The following LYN variants were observed in gnomAD, a reference collection of about 807,000 sequenced individuals.
LYN encodes LYN proto-oncogene, Src family tyrosine kinase.
In LYN, 12 loss-of-function variants were observed where a neutral mutation model predicts 65.0. The ratio of observed to expected loss-of-function variants is 0.18; its 90% CI spans 0.12 to 0.30. LYN has a LOEUF of 0.30. Ranked by LOEUF, LYN falls within the 10% of genes least tolerant of loss-of-function variation. LYN has a pLI of 1.00. For synonymous variants in LYN, 222 were observed against 221.2 expected (o/e 1.00, Z -0.03); for missense variants, 380 against 623.2 (o/e 0.61, Z 4.16).
intron 10 of LYN, among the ~76,000 whole-genome samples, chr8:55,987,122 A>G (rs1808093210): frequency 1.3e-5 from 2 of 152,178 alleles, no homozygotes; most frequent in Non-Finnish European, 2.9e-5. Context: ...AATAAAAAGA[A>G]TCTTTTCTTG....
At chr8:55,890,507 A>G (rs1403603862) in intron 1 of LYN, among the ~76,000 whole-genome samples, 2 of 152,208 alleles carry the variant, frequency 1.3e-5, no homozygotes, top group African/African-American at 2.4e-5. Flanking sequence ...TACAGCTATG[A>G]TGGAAAATCA....
chr8:55,899,165 C>T (rs948340597), intron 1 of LYN, among the ~76,000 whole-genome samples: 1 of 152,122 alleles, frequency 6.6e-6, no homozygotes, highest in Non-Finnish European at 1.5e-5. Flanking sequence ...TTACCTTTCA[C>T]AGAAAATATA....
intron 8 of LYN, among the ~76,000 whole-genome samples, chr8:55,956,115 A>G (rs1320541995): frequency 1.4e-5 from 2 of 147,576 alleles, no homozygotes; most frequent in African/African-American, 5.0e-5. Context: ...GCTCATTAAA[A>G]AAAGAATGAC....
chr8:55,916,563 G>A (rs1163655674), intron 1 of LYN, among the ~76,000 whole-genome samples: 1 of 152,182 alleles, frequency 6.6e-6, no homozygotes, highest in Non-Finnish European at 1.5e-5. Context: ...GTTTTAGATG[G>A]CCAGCCTGTG....
At chr8:55,951,854 A>T (rs1806960000) in intron 6 of LYN, 112 bp from the exon 7 acceptor site, 2 of 807,678 alleles carry the variant, frequency 2.5e-6, no homozygotes, top group Non-Finnish European at 1.9e-6. Flanking sequence ...TACAAATTTC[A>T]TAAATATATG....
chr8:55,949,930 C>A (rs1010352666), intron 4 of LYN, among the ~76,000 whole-genome samples: 1 of 152,202 alleles, frequency 6.6e-6, no homozygotes, highest in Non-Finnish European at 1.5e-5. Flanking sequence ...CCTCAACTCT[C>A]CCATTCTCTG....
intron 1 of LYN, among the ~76,000 whole-genome samples, chr8:55,918,134 C>G (rs117107513): frequency 4.6e-5 from 7 of 152,234 alleles, no homozygotes; most frequent in African/African-American, 1.4e-4. Context: ...GATGCTGGCT[C>G]GACTCAGACA....
intron 1 of LYN, among the ~76,000 whole-genome samples, chr8:55,882,093 T>A (rs1804667050): frequency 6.6e-6 from 1 of 152,158 alleles, no homozygotes; most frequent in African/African-American, 2.4e-5. Flanking sequence ...TACCCACATT[T>A]AGTGTGGGTA....
intron 1 of LYN, among the ~76,000 whole-genome samples, chr8:55,939,984 A>T (rs1050925986): frequency 3.9e-5 from 6 of 152,164 alleles, no homozygotes; most frequent in African/African-American, 1.4e-4. Flanking sequence ...GAGGCTTCAT[A>T]CCTCAAGTAA....
chr8:55,881,826 A>G (rs1012964332), intron 1 of LYN, among the ~76,000 whole-genome samples: 1 of 152,214 alleles, frequency 6.6e-6, no homozygotes, highest in Non-Finnish European at 1.5e-5. Flanking sequence ...TGGAAGCTCC[A>G]TGAAAACTGC....
At chr8:55,949,495 C>T (rs1232306019) in intron 4 of LYN, among the ~76,000 whole-genome samples, 3 of 152,236 alleles carry the variant, frequency 2.0e-5, no homozygotes, top group African/African-American at 7.2e-5. Context: ...CCATCCTAAA[C>T]AAACATCTTG....
At chr8:56,008,436 C>G (rs973751649) in intron 12 of LYN, among the ~76,000 whole-genome samples, 1 of 152,194 alleles carries the variant, frequency 6.6e-6, no homozygotes, top group African/African-American at 2.4e-5. Context: ...ATTGTATATA[C>G]TTTGCATGAC....
In LYN at chr8:56,012,253, G is replaced by A. The variant is rs1043990657; in HGVS notation, c.*2143G>A. On this transcript the variant is annotated 3_prime_UTR_variant, in exon 13 of 13. Coordinates refer to ENST00000519728, the MANE Select transcript of LYN (RefSeq NM_002350.4). Reference sequence around the variant, plus strand: ...CCTCCCTGTGACAGACAGGCATAATGAGGGGCTGAATAGGTGTTTGTAGCA... The same window carrying A: ...CCTCCCTGTGACAGACAGGCATAATAAGGGGCTGAATAGGTGTTTGTAGCA... The A allele has an allele frequency of 5.5e-6, 1 of 180,714 alleles. No homozygotes were observed. The highest frequency in any genetic ancestry group is 1.2e-5 in the Non-Finnish European group (1 of 84,576). The allele number at this position is 180,714 out of a possible 1,614,324, so 11.2% of individuals were successfully genotyped here.
At chr8:55,926,645 C>T (rs189754427) in intron 1 of LYN, among the ~76,000 whole-genome samples, 2 of 152,268 alleles carry the variant, frequency 1.3e-5, no homozygotes, top group East Asian at 3.8e-4. Context: ...CAGGTAACGG[C>T]CTGCCCTTGA....
intron 10 of LYN, among the ~76,000 whole-genome samples, chr8:55,983,982 A>T (rs2667980): frequency 0.15 from 22,230 of 152,086 alleles, 2,190 homozygotes; most frequent in Middle Eastern, 0.23. Flanking sequence ...CTTGGGAAGA[A>T]TCCTTCCGTA....
intron 1 of LYN, among the ~76,000 whole-genome samples, chr8:55,880,670 G>C (rs1585555481): frequency 6.6e-6 from 1 of 152,248 alleles, no homozygotes; most frequent in South Asian, 2.1e-4. Flanking sequence ...GCGTGACGTC[G>C]AGGGGCTGCA....
In LYN at chr8:55,952,641, C is replaced by T. The variant is rs191720067; in HGVS notation, c.637+526C>T. On this transcript the variant is annotated intron_variant, in intron 7 of 12. Coordinates refer to ENST00000519728, the MANE Select transcript of LYN (RefSeq NM_002350.4). The stretch of plus-strand genomic sequence containing the variant: ...TAAGATTTGATCCTTGTGAATAATT[C>T]TCCCAGTCCTTCCCACCTAGTACAT... Among the ~76,000 whole-genome samples the T allele has an allele frequency of 1.4e-4, 22 of 152,332 alleles. No homozygotes were observed. In the East Asian group the frequency reaches 4.2e-3, roughly 29 times the overall value.
intron 1 of LYN, among the ~76,000 whole-genome samples, chr8:55,892,129 G>T (rs1296109145): frequency 2.0e-5 from 3 of 152,260 alleles, no homozygotes; most frequent in Non-Finnish European, 4.4e-5. Flanking sequence ...TTTTAGAAAA[G>T]GTTGCATTAA....
chr8:55,932,041 A>T (rs1017457314), intron 1 of LYN, among the ~76,000 whole-genome samples: 1 of 152,204 alleles, frequency 6.6e-6, no homozygotes, highest in Non-Finnish European at 1.5e-5. Flanking sequence ...AGAAGGTGAA[A>T]TTAGGATGTG....
Sources: allele counts gnomAD v4.1 joint callset (sites outside exome capture counted in the v4.1 genomes callset), GRCh38; gene constraint gnomAD v4.1.1; transcripts MANE v1.5; gene names NCBI Gene and HGNC (gene_info 2026-07-23, HGNC 2026-07-21).